The following CATSPERB variants were observed in gnomAD, a reference collection of about 807,000 sequenced individuals.
CATSPERB encodes catsper channel auxiliary subunit beta, also known as cation channel sperm-associated auxiliary subunit beta.
Under a neutral mutation model 128.3 loss-of-function variants are expected in CATSPERB, and 93 were observed. That is an observed-to-expected ratio of 0.72 (90% CI 0.61 to 0.86). CATSPERB has a LOEUF of 0.86. Among genes scored for constraint, CATSPERB ranks in the 40% least tolerant of loss-of-function variants. The pLI is 0.00. For missense variants in CATSPERB, 1,153 were observed against 1,329.5 expected (o/e 0.87, Z 2.06); for synonymous variants, 381 against 448.8 (o/e 0.85, Z 1.91).
At chr14:91,676,041 G>T (rs1348670532) in intron 11 of CATSPERB, among the ~76,000 whole-genome samples, 3 of 152,048 alleles carry the variant, frequency 2.0e-5, no homozygotes, top group African/African-American at 7.2e-5. Context: ...CTCATTTGTT[G>T]CCCTTCCATT....
At chr14:91,707,711 G>A (rs920730414) in intron 6 of CATSPERB, among the ~76,000 whole-genome samples, 1 of 144,478 alleles carries the variant, frequency 6.9e-6, no homozygotes, top group Non-Finnish European at 1.5e-5. Context: ...CGATTCTCCT[G>A]CCTCAGTCTC....
At chr14:91,602,646 C>CAA (rs201581764) in intron 22 of CATSPERB, among the ~76,000 whole-genome samples, 33 of 149,128 alleles carry the variant, frequency 2.2e-4, no homozygotes, top group African/African-American at 6.6e-4. Context: ...AATATTTGTA[C>CAA]AAAAAAAAAC....
At chr14:91,590,496 A>G (rs1893378000) in intron 23 of CATSPERB, among the ~76,000 whole-genome samples, 2 of 152,008 alleles carry the variant, frequency 1.3e-5, no homozygotes, top group African/African-American at 4.8e-5. Context: ...ATGCCATTAC[A>G]CTCCGACCTG....
At chr14:91,708,453 G>A (rs1242538330) in intron 5 of CATSPERB, among the ~76,000 whole-genome samples, 2 of 152,122 alleles carry the variant, frequency 1.3e-5, no homozygotes, top group South Asian at 2.1e-4. Context: ...CCATAGCAAT[G>A]AATCTAGATA....
intron 10 of CATSPERB, among the ~76,000 whole-genome samples, chr14:91,688,410 G>A (rs1008346764): frequency 6.6e-6 from 1 of 152,062 alleles, no homozygotes; most frequent in African/African-American, 2.4e-5. Flanking sequence ...CCTTGGATAT[G>A]CCTACATTTT....
chr14:91,693,158 C>A lies in CATSPERB; in HGVS notation c.799G>T (p.Asp267Tyr). ...CTGTGGCGTGATGGATAACGAAGATCTTCACTTACAAAAAGGCCCAAAGAG... is the reference window on the plus strand; with the variant it reads ...CTGTGGCGTGATGGATAACGAAGATATTCACTTACAAAAAGGCCCAAAGAG... Reference protein sequence around the residue: ...LTSLGLFVSEDLRYPSRHSLS... With the variant: ...LTSLGLFVSEYLRYPSRHSLS... The change falls in exon 9 of 27, where the codon GAT becomes TAT. Residue 267 changes from aspartate (D) to tyrosine (Y), a missense_variant. Physicochemically the swap from Asp to Tyr is radical, Grantham distance 160. Transcript: ENST00000256343. 1.2e-6 allele frequency: 2 copies of A among 1,613,568 alleles called. No individual in the cohort carries two copies. Among genetic ancestry groups the A allele is most frequent in the South Asian group, 1.1e-5 (1 of 91,040 alleles).
rs1331732426 is a variant in CATSPERB at position 91,677,702 on chromosome 14, A to C, written c.932-3480T>G. 2.0e-5 allele frequency among the ~76,000 whole-genome samples: 3 copies of C among 152,246 alleles called. 1 individual carries two copies. Among genetic ancestry groups the C allele is most frequent in the Non-Finnish European group, 4.4e-5 (3 of 68,046 alleles). On this transcript the variant is annotated intron_variant, in intron 11 of 26. Coordinates refer to ENST00000256343, the MANE Select transcript of CATSPERB (RefSeq NM_024764.4). ...TGTCATTTGACCTAGCAATCCCATT[A>C]CTGGGTATATACTCTAAGGAAAATA... is the stretch of plus-strand genomic sequence containing the variant.
chr14:91,674,972 TG>T (rs1895166222), intron 11 of CATSPERB, among the ~76,000 whole-genome samples: 1 of 152,248 alleles, frequency 6.6e-6, no homozygotes, highest in Non-Finnish European at 1.5e-5. Flanking sequence ...TTTAAAGGCG[TG>T]AGCCTGGCCA....
chr14:91,676,450 C>CA (rs951723976), intron 11 of CATSPERB, among the ~76,000 whole-genome samples: 1 of 150,778 alleles, frequency 6.6e-6, no homozygotes, highest in Non-Finnish European at 1.5e-5. Context: ...CAAGTTATAG[C>CA]AAAAAAAATT....
chr14:91,707,951 T>A (rs962723903), intron 6 of CATSPERB, among the ~76,000 whole-genome samples, 190 bp downstream of exon 6: 6 of 152,120 alleles, frequency 3.9e-5, no homozygotes, highest in Admixed American at 1.3e-4. Context: ...TCTTTGTTAA[T>A]AATTTATCCA....
intron 15 of CATSPERB, among the ~76,000 whole-genome samples, chr14:91,652,040 T>C (rs1378390363): frequency 6.6e-6 from 1 of 152,080 alleles, no homozygotes; most frequent in Non-Finnish European, 1.5e-5. Flanking sequence ...AATTCTTAAA[T>C]AGAATACAAG....
Position 91,704,395 on chromosome 14 carries a change from G to A in CATSPERB, c.616+157C>T, listed in dbSNP as rs188879081. ...CATACTTAGTATATCATACTTGGAA[G>A]TAGACAAGATACAGTATTGAATAAT... On this transcript the variant is annotated intron_variant, in intron 7 of 26. Transcript: ENST00000256343. Among the ~76,000 whole-genome samples the A allele has an allele frequency of 1.6e-4, 24 of 152,300 alleles. No homozygotes were observed. The East Asian group carries it at 4.6e-3, about 29-fold the overall frequency.
chr14:91,653,740 T>C (rs1242428412), intron 15 of CATSPERB, among the ~76,000 whole-genome samples: 1 of 152,186 alleles, frequency 6.6e-6, no homozygotes, highest in East Asian at 1.9e-4. Flanking sequence ...CATGTGGGAA[T>C]TCTGGGAGAT....
intron 15 of CATSPERB, among the ~76,000 whole-genome samples, chr14:91,655,738 A>T (rs1213674387): frequency 6.6e-6 from 1 of 152,224 alleles, no homozygotes; most frequent in Admixed American, 6.5e-5. Flanking sequence ...ATTGGCCTTA[A>T]AGAGGAAGTA....
rs541425050 is a variant in CATSPERB at position 91,589,613 on chromosome 14, G to T, written c.2877C>A (p.Asn959Lys). 15 of 1,613,514 alleles carry T rather than the reference G, an allele frequency of 9.3e-6. No homozygotes were observed. The highest frequency in any genetic ancestry group is 1.7e-5 in the Admixed American group (1 of 59,994). Residue 959 changes from asparagine to lysine, a missense_variant, in exon 24 of 27, where the codon AAC becomes AAA. Transcript: ENST00000256343. ...TQYPVSLEII[N>K]EDGRVPLQSP... is the part of the protein sequence containing the mutation. ...ATTGCAATGGGACACGTCCATCCTC[G>T]TTGATAATTTCCAAAGAAACTGGAT...
chr14:91,608,205 A>G (rs1363457512), intron 22 of CATSPERB, 89 bp downstream of exon 22: 3 of 812,068 alleles, frequency 3.7e-6, no homozygotes, highest in Non-Finnish European at 6.1e-6. Flanking sequence ...TCACCTTCTC[A>G]TTTAACACTT....
At chr14:91,608,238 T>C in intron 22 of CATSPERB, 56 bp downstream of exon 22, 2 of 1,081,310 alleles carry the variant, frequency 1.8e-6, no homozygotes, top group Non-Finnish European at 2.8e-6. Flanking sequence ...ATAATTTTAC[T>C]GAATGATTTC....
At chr14:91,692,879 T>C (rs1247978082) in intron 9 of CATSPERB, among the ~76,000 whole-genome samples, 1 of 152,204 alleles carries the variant, frequency 6.6e-6, no homozygotes, top group African/African-American at 2.4e-5. Flanking sequence ...GACAGATCTT[T>C]TCTGCATGTA....
At chr14:91,600,991 A>T (rs1296987269) in intron 22 of CATSPERB, among the ~76,000 whole-genome samples, 1 of 152,258 alleles carries the variant, frequency 6.6e-6, no homozygotes, top group African/African-American at 2.4e-5. Context: ...GATTTCTGAG[A>T]ACTAAATGGT....
Sources: allele counts gnomAD v4.1 joint callset (sites outside exome capture counted in the v4.1 genomes callset), GRCh38; gene constraint gnomAD v4.1.1; transcripts MANE v1.5; gene names NCBI Gene and HGNC (gene_info 2026-07-23, HGNC 2026-07-21).